Variants in ADCY1 observed in about 807,000 individuals in gnomAD.
ADCY1 encodes adenylate cyclase type 1.
A neutral mutation model predicts 105.4 loss-of-function variants in ADCY1; 28 were observed. That is an observed-to-expected ratio of 0.27 (90% CI 0.20 to 0.36). ADCY1 has a LOEUF of 0.36. Among genes scored for constraint, ADCY1 ranks in the 10% least tolerant of loss-of-function variants. The probability of loss-of-function intolerance (pLI) is 1.00; values close to 1 mark genes in which losing one functional copy is unlikely to be tolerated. For synonymous variants in ADCY1, 655 were observed against 623.8 expected (o/e 1.05, Z -0.75); for missense variants, 977 against 1,434.2 (o/e 0.68, Z 5.15).
At position 45,686,569 on chromosome 7, in the gene ADCY1, A is replaced by G; in HGVS notation, c.2350A>G (p.Ser784Gly). 3 of 1,612,260 alleles carry G rather than the reference A, an allele frequency of 1.9e-6. No homozygotes were observed. Among genetic ancestry groups the G allele is most frequent in the Non-Finnish European group, 2.5e-6 (3 of 1,178,780 alleles). Residue 784 changes from serine (S) to glycine (G), a missense_variant, in exon 14 of 20, where the codon AGC (serine) becomes GGC (glycine). Ser to Gly is a moderately conservative substitution (Grantham distance 56, BLOSUM62 0). Transcript: ENST00000297323. This position sits in a 1 kb window ranked among gnomAD's most constrained non-coding sequence, Gnocchi z 4.3. ...RTGGGAVSGR[S>G]YEPIVAILLF... The stretch of plus-strand genomic sequence containing the variant: ...CAGGGGTGGTGCCGTCTCCGGGCGC[A>G]GCTACGAGCCGATTGTGGCCATCCT...
intron 8 of ADCY1, 25 bp downstream of exon 8, chr7:45,662,239 A>G: frequency 6.2e-7 from 1 of 1,605,416 alleles, no homozygotes; most frequent in Non-Finnish European, 8.5e-7. Flanking sequence ...GGAGCCTGCC[A>G]TGCTGGAGCT....
rs1184504496 is a variant in ADCY1, at chr7:45,719,311, C to T, written c.*5316C>T. On this transcript the variant is annotated 3_prime_UTR_variant, in exon 20 of 20. Coordinates refer to ENST00000297323, the MANE Select transcript of ADCY1 (RefSeq NM_021116.4). ...TCACCTAGAGGAGCCCTGGGACACG[C>T]ACTGGAAAGTATTCTAGGGGCTTCC... 1.3e-5 allele frequency: 2 copies of T among 152,334 alleles called. No homozygotes were observed. The highest frequency in any genetic ancestry group is 4.8e-5 in the African/African-American group (2 of 41,468). 9.4% of individuals were successfully genotyped at this position (152,334 alleles called of 1,614,324 possible). A position where few individuals can be genotyped will look rare whatever the true frequency, so the allele number is the denominator to read the frequency against.
chr7:45,702,187 C>T (rs1785011777), intron 14 of ADCY1, among the ~76,000 whole-genome samples: 1 of 152,248 alleles, frequency 6.6e-6, no homozygotes, highest in African/African-American at 2.4e-5. Flanking sequence ...GCCAGCTCAG[C>T]TCTGATAATA....
intron 2 of ADCY1, among the ~76,000 whole-genome samples, chr7:45,605,963 C>A (rs1165225662): frequency 6.6e-6 from 1 of 152,140 alleles, no homozygotes; most frequent in Non-Finnish European, 1.5e-5. Flanking sequence ...TGATGATTTT[C>A]TGTGACATGA....
intron 17 of ADCY1, among the ~76,000 whole-genome samples, chr7:45,706,878 A>C (rs958287786): frequency 2.6e-5 from 4 of 152,244 alleles, no homozygotes; most frequent in Non-Finnish European, 5.9e-5. Flanking sequence ...AAAAAACCCC[A>C]GTTAAAAAGT....
At chr7:45,648,063 C>T (rs1291604096) in intron 4 of ADCY1, among the ~76,000 whole-genome samples, 1 of 152,222 alleles carries the variant, frequency 6.6e-6, no homozygotes, top group African/African-American at 2.4e-5. Context: ...CTTCCATGTG[C>T]CCTGTGAGGC....
At chr7:45,602,296 G>C (rs1460489640) in intron 2 of ADCY1, among the ~76,000 whole-genome samples, 3 of 151,980 alleles carry the variant, frequency 2.0e-5, no homozygotes, top group Admixed American at 1.3e-4. Context: ...CCTGAAGTCT[G>C]TGCCTGTCGC....
intron 8 of ADCY1, among the ~76,000 whole-genome samples, chr7:45,675,455 T>G (rs1339919925): frequency 6.6e-6 from 1 of 152,164 alleles, no homozygotes; most frequent in Non-Finnish European, 1.5e-5. Context: ...GCCACAATTT[T>G]TATCCTTTCT....
intron 4 of ADCY1, among the ~76,000 whole-genome samples, chr7:45,633,198 G>T (rs1029727746): frequency 6.6e-6 from 1 of 152,190 alleles, no homozygotes; most frequent in Non-Finnish European, 1.5e-5. Flanking sequence ...TATTACAGGC[G>T]TAAGTCACAG....
chr7:45,695,600 C>T (rs184530636), intron 14 of ADCY1, among the ~76,000 whole-genome samples: 144 of 152,336 alleles, frequency 9.5e-4, no homozygotes, highest in African/African-American at 3.4e-3. Flanking sequence ...GTCAAGATTT[C>T]ATATGCATGT....
intron 3 of ADCY1, among the ~76,000 whole-genome samples, chr7:45,616,363 A>C (rs1793736637): frequency 1.3e-5 from 2 of 152,270 alleles, no homozygotes; most frequent in African/African-American, 4.8e-5. Context: ...AGAACACTAC[A>C]AAAAAAGAAA....
chr7:45,684,904 T>G (rs1053751034), intron 11 of ADCY1, 75 bp from the exon 12 acceptor site: 3 of 1,333,574 alleles, frequency 2.2e-6, no homozygotes, highest in Non-Finnish European at 2.2e-6. Context: ...CATTCCACTA[T>G]AGGAAGTATT....
At chr7:45,587,513 C>T (rs1183691098) in intron 1 of ADCY1, among the ~76,000 whole-genome samples, 3 of 152,104 alleles carry the variant, frequency 2.0e-5, no homozygotes, top group East Asian at 3.9e-4. Flanking sequence ...AGAGAGAGAA[C>T]GTCAGAGGAC....
intron 14 of ADCY1, among the ~76,000 whole-genome samples, chr7:45,689,338 A>T (rs922318867): frequency 6.6e-6 from 1 of 152,124 alleles, no homozygotes; most frequent in African/African-American, 2.4e-5. Flanking sequence ...AGACTGGGTT[A>T]TTTATAAAGA....
chr7:45,687,592 G>A (rs1784710316), intron 14 of ADCY1, among the ~76,000 whole-genome samples: 1 of 152,236 alleles, frequency 6.6e-6, no homozygotes, highest in African/African-American at 2.4e-5. Context: ...CGGGAATGAA[G>A]GCTGATGAAT....
chr7:45,691,336 A>G (rs1378629903), intron 14 of ADCY1, among the ~76,000 whole-genome samples: 1 of 152,218 alleles, frequency 6.6e-6, no homozygotes, highest in African/African-American at 2.4e-5. Context: ...TTGTCCACAG[A>G]TAGGTAACAA....
At chr7:45,671,996 G>A (rs1023669993) in intron 8 of ADCY1, among the ~76,000 whole-genome samples, 11 of 152,000 alleles carry the variant, frequency 7.2e-5, no homozygotes, top group African/African-American at 2.7e-4. Flanking sequence ...TGTTTTTGAT[G>A]TCATGTCTAA....
intron 5 of ADCY1, among the ~76,000 whole-genome samples, chr7:45,656,665 G>A (rs1018199002): frequency 6.6e-6 from 1 of 152,192 alleles, no homozygotes; most frequent in Non-Finnish European, 1.5e-5. Flanking sequence ...TGGGAAGTTG[G>A]GGTGAAGGTG....
At chr7:45,646,637 G>A (rs1794672207) in intron 4 of ADCY1, among the ~76,000 whole-genome samples, 1 of 152,208 alleles carries the variant, frequency 6.6e-6, no homozygotes, top group Non-Finnish European at 1.5e-5. Context: ...CTGCCCTTGG[G>A]TGGAGTGGAC....
Sources: gnomAD v4.1 joint callset for allele counts (sites outside exome capture counted in the v4.1 genomes callset) on GRCh38, gnomAD v4.1.1 for gene constraint, Gnocchi (gnomAD v3.1) non-coding constraint, MANE v1.5 for transcripts, NCBI Gene and HGNC (gene_info 2026-07-23, HGNC 2026-07-21) for gene names.